Variants in MTAP observed in about 807,000 individuals in gnomAD.
The protein encoded by MTAP is methylthioadenosine phosphorylase.
In MTAP, 33 loss-of-function variants were observed where a neutral mutation model predicts 33.6. That is an observed-to-expected ratio of 0.98 (90% CI 0.74 to 1.31). MTAP has a LOEUF of 1.31. Among genes scored for constraint, MTAP ranks in the 40% most tolerant of loss-of-function variants. MTAP has a pLI of 0.00. For synonymous variants in MTAP, 148 were observed against 125.7 expected, an observed-to-expected ratio of 1.18 and a Z score of -1.19; for missense variants, 367 against 360.0, an observed-to-expected ratio of 1.02 and a Z score of -0.16.
chr9:21,824,840 T>G (rs1323138802), intron 4 of MTAP, among the ~76,000 whole-genome samples: 1 of 152,164 alleles, frequency 6.6e-6, no homozygotes, highest in African/African-American at 2.4e-5. Flanking sequence ...CCTTGCAGTT[T>G]GATCTCAGGC....
rs527370541 is a variant in MTAP, at chr9:21,818,263, C to G, written c.347+61C>G. 22 of 1,495,482 alleles carry G rather than the reference C, an allele frequency of 1.5e-5. No individual in the cohort carries two copies. In the East Asian group the frequency reaches 5.9e-4, roughly 40 times the overall value. The allele number at this position is 1,495,482 out of a possible 1,614,324, so 92.6% of individuals were successfully genotyped here. A position where few individuals can be genotyped will look rare whatever the true frequency, so the allele number is the denominator to read the frequency against. On this transcript the variant is annotated intron_variant, in intron 4 of 7. Transcript: ENST00000644715. ...GCTGGTCATTTTCAGCTCAAATGGA[C>G]GACGCGTGGGAACCGGCAGGGCAAC...
chr9:21,861,331 A>G (rs1270311877), intron 7 of MTAP: 2 of 152,204 alleles, frequency 1.3e-5, no homozygotes, highest in African/African-American at 2.4e-5. Context: ...GTGTATATAT[A>G]TACACACATA....
At chr9:21,929,719 G>T in intron 1 of MTAP, 1 of 214,104 alleles carries the variant, frequency 4.7e-6, no homozygotes. Flanking sequence ...ATTTGGGTCT[G>T]CAAATAACAT....
At position 21,863,667 on chromosome 9, in the gene MTAP, T is replaced by C; in HGVS notation, c.*1653T>C. ...AAATGCTTTTTGTTTGCTTCAGTTT[T>C]TTATCATGGGGAGATCTTTTTCCTC... On this transcript the variant is annotated 3_prime_UTR_variant, in exon 8 of 8. Transcript: ENST00000644715. 1.0e-6 allele frequency: 1 copy of C among 985,956 alleles called. No individual in the cohort carries two copies. Among genetic ancestry groups the C allele is most frequent in the Non-Finnish European group, 1.2e-6 (1 of 830,028 alleles). 61.1% of individuals were successfully genotyped at this position (985,956 alleles called of 1,614,324 possible).
At chr9:21,938,509 A>C (rs900254199), downstream of MTAP, among the ~76,000 whole-genome samples, 6 of 152,182 alleles carry the variant, frequency 3.9e-5, no homozygotes, top group Non-Finnish European at 8.8e-5. Flanking sequence ...AAGTTGTCAA[A>C]TAAGGGTGAT....
Position 21,863,291 on chromosome 9 carries a change from T to C in MTAP, c.*1277T>C, listed in dbSNP as rs1825789582. 1 of 984,488 alleles carries C rather than the reference T, an allele frequency of 1.0e-6. No homozygotes were observed. Among genetic ancestry groups the C allele is most frequent in the Non-Finnish European group, 1.2e-6 (1 of 829,158 alleles). 61.0% of individuals were successfully genotyped at this position (984,488 alleles called of 1,614,324 possible). ...AGTGGAAGCTTGCTTTTTTAACTCT[T>C]TTTTTATTGTTATTTTATAGAAATG... On this transcript the variant is annotated 3_prime_UTR_variant, in exon 8 of 8. Coordinates refer to ENST00000644715, the MANE Select transcript of MTAP (RefSeq NM_002451.4).
At chr9:21,919,308 T>G (rs1818745964) in intron 1 of MTAP, among the ~76,000 whole-genome samples, 2 of 152,212 alleles carry the variant, frequency 1.3e-5, no homozygotes, top group African/African-American at 4.8e-5. Flanking sequence ...GTTCATCTAC[T>G]TCCCCACTCC....
At chr9:21,827,401 A>C (rs1410351251) in intron 4 of MTAP, among the ~76,000 whole-genome samples, 1 of 152,188 alleles carries the variant, frequency 6.6e-6, no homozygotes, top group Non-Finnish European at 1.5e-5. Flanking sequence ...TCAGGGATTC[A>C]TTATAATTTC....
intron 6 of MTAP, among the ~76,000 whole-genome samples, chr9:21,857,071 G>C (rs985131790): frequency 6.6e-6 from 1 of 152,182 alleles, no homozygotes. Flanking sequence ...GGAGTGGGGG[G>C]CCTGAGAGGT....
At chr9:21,917,684 G>A (rs1262008076) in intron 1 of MTAP, among the ~76,000 whole-genome samples, 2 of 152,164 alleles carry the variant, frequency 1.3e-5, no homozygotes, top group Non-Finnish European at 2.9e-5. Context: ...GTAATATGCA[G>A]ATTCCTTAAA....
chr9:21,856,526 C>A (rs934289978), intron 6 of MTAP, among the ~76,000 whole-genome samples: 1 of 152,190 alleles, frequency 6.6e-6, no homozygotes, highest in East Asian at 1.9e-4. Context: ...ATAGGAAACT[C>A]CAGCCCCTGC....
chr9:21,842,600 C>T (rs904665141), intron 5 of MTAP, among the ~76,000 whole-genome samples: 2 of 152,158 alleles, frequency 1.3e-5, no homozygotes, highest in African/African-American at 4.8e-5. Flanking sequence ...ATTGGAGTCC[C>T]ATTTTTAACC....
intron 5 of MTAP, among the ~76,000 whole-genome samples, chr9:21,851,155 A>T (rs1056218310): frequency 1.7e-4 from 26 of 152,238 alleles, no homozygotes; most frequent in African/African-American, 6.0e-4. Flanking sequence ...CAAATGACCC[A>T]GACTCTTCAG....
chr9:21,806,786 C>T (rs966248690), intron 1 of MTAP, among the ~76,000 whole-genome samples: 3 of 152,078 alleles, frequency 2.0e-5, no homozygotes, highest in African/African-American at 7.2e-5. Context: ...GTCTTTGGCA[C>T]CCAGATACAG....
chr9:21,919,612 T>C (rs572869361), intron 1 of MTAP, among the ~76,000 whole-genome samples: 2 of 152,368 alleles, frequency 1.3e-5, no homozygotes, highest in African/African-American at 2.4e-5. Context: ...TGCAAAGGAA[T>C]GATTACTATC....
In MTAP at chr9:21,866,337, A is replaced by G. The variant is rs1825852529; in HGVS notation, c.*4323A>G. On this transcript the variant is annotated 3_prime_UTR_variant, in exon 8 of 8. Transcript: ENST00000644715. ...TTCTTAGTCTTTAGCTTGCCTTTTCATTTTCTTAATTATGTCTTTCAAAGA... is the reference window on the plus strand; with the variant it reads ...TTCTTAGTCTTTAGCTTGCCTTTTCGTTTTCTTAATTATGTCTTTCAAAGA... 6.6e-6 allele frequency: 1 copy of G among 151,730 alleles called. No homozygotes were observed. The highest frequency in any genetic ancestry group is 2.4e-5 in the African/African-American group (1 of 41,288). 9.4% of individuals were successfully genotyped at this position (151,730 alleles called of 1,614,324 possible). A position where few individuals can be genotyped will look rare whatever the true frequency, so the allele number is the denominator to read the frequency against.
rs1208009616 is a variant in MTAP at position 21,930,776 on chromosome 9, G to C, written c.148-232G>C. 9 of 719,456 alleles carry C rather than the reference G, an allele frequency of 1.3e-5. No individual in the cohort carries two copies. The Admixed American group carries it at 1.5e-4, about 12-fold the overall frequency. 44.6% of individuals were successfully genotyped at this position (719,456 alleles called of 1,614,324 possible). On this transcript the variant is annotated intron_variant, in intron 1 of 1. Coordinates refer to the MTAP transcript ENST00000577563. ...CTTTAGATGAAAAATGTTGCTTTTGGGTAAATCAATCAGTAAAAGTACAAA... is the reference window on the plus strand; with the variant it reads ...CTTTAGATGAAAAATGTTGCTTTTGCGTAAATCAATCAGTAAAAGTACAAA...
intron 4 of MTAP, among the ~76,000 whole-genome samples, chr9:21,835,763 A>G (rs1007547890): frequency 6.6e-6 from 1 of 152,184 alleles, no homozygotes; most frequent in African/African-American, 2.4e-5. Context: ...CTTGGTCAGA[A>G]TTTCATTCAG....
intron 1 of MTAP, among the ~76,000 whole-genome samples, chr9:21,914,412 A>G (rs1423488434): frequency 6.6e-6 from 1 of 151,424 alleles, no homozygotes; most frequent in Non-Finnish European, 1.5e-5. Flanking sequence ...CCTGATAAAG[A>G]AAATGTTGTA....
Sources: allele counts gnomAD v4.1 joint callset (sites outside exome capture counted in the v4.1 genomes callset), GRCh38; gene constraint gnomAD v4.1.1; transcripts MANE v1.5; gene names NCBI Gene and HGNC (gene_info 2026-07-23, HGNC 2026-07-21).